Variants in KATNAL2 observed in about 807,000 individuals in gnomAD.
The protein encoded by KATNAL2 is katanin catalytic subunit A1 like 2.
KATNAL2 carries 52 observed loss-of-function variants against 76.3 expected under a neutral mutation model. That is an observed-to-expected ratio of 0.68 (90% CI 0.55 to 0.86). The LOEUF is 0.86. KATNAL2 is among the 40% of genes least tolerant of loss of function. KATNAL2 has a pLI of 0.00. For synonymous variants in KATNAL2, 243 were observed against 244.2 expected, an observed-to-expected ratio of 1.00 and a Z score of 0.05; for missense variants, 660 against 668.9, an observed-to-expected ratio of 0.99 and a Z score of 0.15.
In KATNAL2 at chr18:47,058,301, A is replaced by G. The variant is rs746513883; in HGVS notation, c.399A>G (p.Thr133=). 6.2e-7 allele frequency: 1 copy of G among 1,614,112 alleles called. No homozygotes were observed. The highest frequency in any genetic ancestry group is 8.5e-7 in the Non-Finnish European group (1 of 1,179,954). The change falls in exon 7 of 18, where the codon ACA becomes ACG. Residue 133 remains threonine, a synonymous_variant. Coordinates refer to ENST00000683218, the MANE Select transcript of KATNAL2 (RefSeq NM_001387690.1). ...INQQRPRSKT[T]AGKTGDTKSL... Reference sequence around the variant, plus strand: ...AGCAGAGGCCCCGGTCCAAAACCACAGCGGGGAAGACAGGGGACACCAAAT... The same window carrying G: ...AGCAGAGGCCCCGGTCCAAAACCACGGCGGGGAAGACAGGGGACACCAAAT...
At chr18:47,074,340 C>T (rs1451281296) in intron 13 of KATNAL2, among the ~76,000 whole-genome samples, 1 of 152,194 alleles carries the variant, frequency 6.6e-6, no homozygotes, top group Non-Finnish European at 1.5e-5. Flanking sequence ...TGCTGCTGCT[C>T]GTGAAAACCA....
At chr18:47,052,211 T>C (rs2061358379) in intron 4 of KATNAL2, among the ~76,000 whole-genome samples, 1 of 152,208 alleles carries the variant, frequency 6.6e-6, no homozygotes, top group African/African-American at 2.4e-5. Flanking sequence ...TTGGACAGTT[T>C]TACAACTGAA....
At chr18:46,924,151 A>G (rs1434724417) in intron 1 of KATNAL2, among the ~76,000 whole-genome samples, 2 of 152,204 alleles carry the variant, frequency 1.3e-5, no homozygotes, top group Non-Finnish European at 2.9e-5. Flanking sequence ...GTCCTTGCCC[A>G]TGCCTATGTC....
At chr18:47,044,818 T>C (rs1278689185) in intron 3 of KATNAL2, among the ~76,000 whole-genome samples, 3 of 151,324 alleles carry the variant, frequency 2.0e-5, no homozygotes, top group African/African-American at 2.4e-5. Flanking sequence ...GTGTGGTGGC[T>C]CACGCCTGTA....
At chr18:46,930,476 A>T (rs1283891358) in intron 1 of KATNAL2, among the ~76,000 whole-genome samples, 2 of 152,204 alleles carry the variant, frequency 1.3e-5, no homozygotes, top group East Asian at 3.9e-4. Context: ...GGATGAAGAT[A>T]AATCTGCTTT....
chr18:47,097,256 G>A (rs561929588), intron 15 of KATNAL2, among the ~76,000 whole-genome samples: 5 of 152,236 alleles, frequency 3.3e-5, no homozygotes, highest in Admixed American at 1.3e-4. Context: ...AAGGGCATAA[G>A]GAATTGGGTA....
chr18:47,062,556 T>C (rs1172623897), intron 8 of KATNAL2, among the ~76,000 whole-genome samples: 1 of 152,086 alleles, frequency 6.6e-6, no homozygotes, highest in Non-Finnish European at 1.5e-5. Flanking sequence ...ACTTATTTTG[T>C]ACCCAGCACT....
At chr18:46,961,637 G>A (rs568820181) in intron 3 of KATNAL2, among the ~76,000 whole-genome samples, 5 of 152,244 alleles carry the variant, frequency 3.3e-5, no homozygotes, top group African/African-American at 1.2e-4. Flanking sequence ...ACCTATACAG[G>A]CATATGTGCC....
At chr18:46,918,653 C>T (rs916326883) in intron 1 of KATNAL2, among the ~76,000 whole-genome samples, 1 of 152,158 alleles carries the variant, frequency 6.6e-6, no homozygotes, top group African/African-American at 2.4e-5. Context: ...AACTCCGGAC[C>T]TCAGGTGATC....
In KATNAL2 at chr18:47,033,620, C is replaced by T. The variant is rs750859788; in HGVS notation, c.52-12837C>T. 1.6e-5 allele frequency: 26 copies of T among 1,614,196 alleles called. No individual in the cohort carries two copies. In the Admixed American group the frequency reaches 4.3e-4, roughly 27 times the overall value. On this transcript the variant is annotated intron_variant, in intron 3 of 17. Transcript: ENST00000683218. ...GGTTCAAGAACCCAGTAGGGGACCT[C>T]TCCCACGTCGCTGAGGGCGTCCGGA...
chr18:47,088,882 T>C (rs946904400), intron 15 of KATNAL2, among the ~76,000 whole-genome samples: 16 of 152,246 alleles, frequency 1.1e-4, no homozygotes, highest in Admixed American at 2.0e-4. Flanking sequence ...TTTTGGACCA[T>C]GCCAATAAGA....
chr18:47,093,446 G>T, intron 15 of KATNAL2, among the ~76,000 whole-genome samples: 1 of 135,180 alleles, frequency 7.4e-6, no homozygotes. Context: ...TGGCTCTCCT[G>T]TAATAATGTT....
At chr18:47,075,011 C>G (rs1004376851) in intron 13 of KATNAL2, among the ~76,000 whole-genome samples, 1 of 152,174 alleles carries the variant, frequency 6.6e-6, no homozygotes, top group Admixed American at 6.5e-5. Context: ...TTATCTGAAG[C>G]TCTCATATTT....
chr18:46,952,743 A>G (rs1046457368), intron 3 of KATNAL2, among the ~76,000 whole-genome samples: 1 of 151,034 alleles, frequency 6.6e-6, no homozygotes, highest in Admixed American at 6.6e-5. Flanking sequence ...TTTTCACTGT[A>G]TCCTGTTCTT....
chr18:46,925,126 G>A lies in KATNAL2; in HGVS notation c.-510+7200G>A, dbSNP rs1437897805. On this transcript the variant is annotated intron_variant, in intron 1 of 17. Transcript: ENST00000683218. ...CAGAACTTCCAACAGTACGTTGAAT[G>A]GGAGTGGTGAGAGAGGGCATCCCTG... is the stretch of plus-strand genomic sequence containing the variant. Among the ~76,000 whole-genome samples the A allele has an allele frequency of 5.9e-5, 9 of 152,214 alleles. No individual in the cohort carries two copies. The East Asian group carries it at 1.7e-3, about 29-fold the overall frequency.
In KATNAL2 at chr18:46,957,561, T is replaced by C. The variant is rs1211993930; in HGVS notation, c.51+10638T>C. On this transcript the variant is annotated intron_variant, in intron 3 of 17. Coordinates refer to ENST00000683218, the MANE Select transcript of KATNAL2 (RefSeq NM_001387690.1). ...GAACCACCGCGCCTGGCCTTTTTTT[T>C]TTTTTTTTTTTTTTTTTTGAGACAG... 1.7e-3 allele frequency among the ~76,000 whole-genome samples: 221 copies of C among 131,410 alleles called. 7 individuals carry two copies. In the East Asian group the frequency reaches 0.033, roughly 19 times the overall value. 86.2% of individuals were successfully genotyped at this position (131,410 alleles called of 152,430 possible).
chr18:46,933,129 G>C lies in KATNAL2; in HGVS notation c.-509-12928G>C, dbSNP rs554577683. 3.9e-5 allele frequency among the ~76,000 whole-genome samples: 6 copies of C among 152,126 alleles called. No homozygotes were observed. In the East Asian group the frequency reaches 9.7e-4, roughly 24 times the overall value. ...CTCAGGAATTCAAGGACGATCTCAT[G>C]TTAACATATATATTTTATAACTTGG... is the stretch of plus-strand genomic sequence containing the variant. On this transcript the variant is annotated intron_variant, in intron 1 of 17. Coordinates refer to ENST00000683218, the MANE Select transcript of KATNAL2 (RefSeq NM_001387690.1).
At chr18:46,957,553 C>CTTT (rs67089810) in intron 3 of KATNAL2, among the ~76,000 whole-genome samples, 1 of 60,512 alleles carries the variant, frequency 1.7e-5, no homozygotes, top group Non-Finnish European at 3.1e-5. Context: ...CGCGCCTGGC[C>CTTT]TTTTTTTTTT....
intron 8 of KATNAL2, 33 bp from the exon 9 acceptor site, chr18:47,062,939 C>A: frequency 6.5e-7 from 1 of 1,529,244 alleles, no homozygotes; most frequent in Non-Finnish European, 9.1e-7. Flanking sequence ...CTCTTATGTT[C>A]TCATGGCATA....
Sources: allele counts gnomAD v4.1 joint callset (sites outside exome capture counted in the v4.1 genomes callset), GRCh38; gene constraint gnomAD v4.1.1; transcripts MANE v1.5; gene names NCBI Gene and HGNC (gene_info 2026-07-23, HGNC 2026-07-21).